Variants in ZBTB7C observed in about 807,000 individuals in gnomAD.
The protein encoded by ZBTB7C is zinc finger and BTB domain containing 7C.
ZBTB7C carries 8 observed loss-of-function variants against 25.7 expected under a neutral mutation model. The observed-to-expected ratio is 0.31, with a 90% CI of 0.18 to 0.56. The LOEUF is 0.56. ZBTB7C is among the 20% of genes least tolerant of loss of function. ZBTB7C has a pLI of 0.91. For missense variants in ZBTB7C, 824 were observed against 855.2 expected, an observed-to-expected ratio of 0.96 and a Z score of 0.46; for synonymous variants, 394 against 369.0, an observed-to-expected ratio of 1.07 and a Z score of -0.78.
intron 2 of ZBTB7C, among the ~76,000 whole-genome samples, chr18:48,301,051 A>T (rs760293730): frequency 1.1e-4 from 16 of 152,358 alleles, no homozygotes; most frequent in South Asian, 8.3e-4. Flanking sequence ...GAGGAATGCC[A>T]TTACTAGTCT....
chr18:48,181,546 G>T (rs534643672), intron 3 of ZBTB7C, among the ~76,000 whole-genome samples: 3 of 152,190 alleles, frequency 2.0e-5, no homozygotes, highest in Non-Finnish European at 2.9e-5. Flanking sequence ...GCCCAAAGCT[G>T]CATGACAATG....
At chr18:48,054,437 GAC>G (rs1361175840) in intron 3 of ZBTB7C, among the ~76,000 whole-genome samples, 4 of 152,090 alleles carry the variant, frequency 2.6e-5, no homozygotes, top group Admixed American at 1.3e-4. Context: ...GAGGAAAGAG[GAC>G]AGAGTCACAT....
chr18:48,231,201 A>T (rs1318557123), intron 2 of ZBTB7C, among the ~76,000 whole-genome samples: 1 of 152,150 alleles, frequency 6.6e-6, no homozygotes, highest in Non-Finnish European at 1.5e-5. Flanking sequence ...CCTTCAGGCC[A>T]GGGACAGCCT....
intron 3 of ZBTB7C, among the ~76,000 whole-genome samples, chr18:48,069,977 C>T (rs1568193273): frequency 6.6e-6 from 1 of 152,104 alleles, no homozygotes; most frequent in Non-Finnish European, 1.5e-5. Flanking sequence ...GGTAAGATTC[C>T]TGGAATCACT....
chr18:48,055,310 TGAGGCAGGAGAATCGCTGGAACCCAG>T (rs1357278356), intron 3 of ZBTB7C, among the ~76,000 whole-genome samples: 4 of 148,066 alleles, frequency 2.7e-5, no homozygotes, highest in Admixed American at 1.4e-4. Context: ...CTCGGAAGGC[TGAGGCAGGAGAATCGCTGGAACCCAG>T]GAGGCAGAGG....
At chr18:48,250,848 A>G (rs182174294) in intron 2 of ZBTB7C, among the ~76,000 whole-genome samples, 1,960 of 150,976 alleles carry the variant, frequency 0.013, 20 homozygotes, top group Non-Finnish European at 0.02. Context: ...AAATTTTTCT[A>G]TAGGAGACAA....
At chr18:48,313,960 C>T (rs1203838418) in intron 2 of ZBTB7C, among the ~76,000 whole-genome samples, 2 of 152,098 alleles carry the variant, frequency 1.3e-5, no homozygotes, top group East Asian at 1.9e-4. Flanking sequence ...AGTCTGGGAC[C>T]ACCCCCTTCT....
chr18:48,034,841 G>C (rs2035905703), intron 4 of ZBTB7C, among the ~76,000 whole-genome samples: 1 of 152,094 alleles, frequency 6.6e-6, no homozygotes. Context: ...CTCATCGTCG[G>C]GAAAGTCATG....
intron 1 of ZBTB7C, among the ~76,000 whole-genome samples, chr18:48,361,947 C>G (rs1037821338): frequency 6.6e-6 from 1 of 152,232 alleles, no homozygotes; most frequent in Non-Finnish European, 1.5e-5. Flanking sequence ...ACTGCCTCCC[C>G]TCGTGTAACT....
At chr18:48,341,573 G>A (rs1430413651) in intron 1 of ZBTB7C, among the ~76,000 whole-genome samples, 1 of 152,244 alleles carries the variant, frequency 6.6e-6, no homozygotes, top group Non-Finnish European at 1.5e-5. Flanking sequence ...GCCTGCCCTT[G>A]GTAGGTGCTC....
intron 2 of ZBTB7C, among the ~76,000 whole-genome samples, chr18:48,328,154 C>T (rs899600018): frequency 6.8e-6 from 1 of 147,146 alleles, no homozygotes; most frequent in South Asian, 2.2e-4. Flanking sequence ...TGCACTCCAG[C>T]CTGGGGGACA....
At chr18:48,096,240 G>C (rs1226623327) in intron 3 of ZBTB7C, among the ~76,000 whole-genome samples, 1 of 152,230 alleles carries the variant, frequency 6.6e-6, no homozygotes, top group African/African-American at 2.4e-5. Context: ...GGCTTTTTAA[G>C]AGAGTGTGAA....
intron 2 of ZBTB7C, among the ~76,000 whole-genome samples, chr18:48,291,342 C>T (rs1025955637): frequency 6.6e-6 from 1 of 152,116 alleles, no homozygotes; most frequent in Non-Finnish European, 1.5e-5. Context: ...GAATGACAGC[C>T]GAATCTTCCT....
intron 2 of ZBTB7C, among the ~76,000 whole-genome samples, chr18:48,197,747 A>G (rs894034518): frequency 4.6e-5 from 7 of 152,170 alleles, no homozygotes; most frequent in African/African-American, 1.7e-4. Context: ...CACTCATCCC[A>G]TGGGATCAGG....
intron 2 of ZBTB7C, among the ~76,000 whole-genome samples, chr18:48,306,822 C>T (rs983936125): frequency 1.3e-5 from 2 of 152,126 alleles, no homozygotes; most frequent in African/African-American, 4.8e-5. Context: ...TTCTTTAAAG[C>T]CTAGATTAAA....
chr18:48,215,869 A>G (rs2042811071), intron 2 of ZBTB7C, among the ~76,000 whole-genome samples: 1 of 152,234 alleles, frequency 6.6e-6, no homozygotes, highest in South Asian at 2.1e-4. Flanking sequence ...CTAAAGAAAT[A>G]TATTTTGGGG....
chr18:48,287,944 A>T (rs1427134724), intron 2 of ZBTB7C, among the ~76,000 whole-genome samples: 1 of 152,238 alleles, frequency 6.6e-6, no homozygotes, highest in South Asian at 2.1e-4. Context: ...TACTGCAGCT[A>T]CTATGAAACT....
At chr18:48,095,747 A>AAAATAAAATAAAAG (rs35953333) in intron 3 of ZBTB7C, among the ~76,000 whole-genome samples, 1,393 of 89,914 alleles carry the variant, frequency 0.015, 14 homozygotes, top group South Asian at 0.029. Flanking sequence ...TAAAATAAAA[A>AAAATAAAATAAAAG]TGGTTATTGG....
At chr18:48,063,439 C>T (rs2037201311) in intron 3 of ZBTB7C, among the ~76,000 whole-genome samples, 1 of 152,178 alleles carries the variant, frequency 6.6e-6, no homozygotes, top group African/African-American at 2.4e-5. Context: ...TGCCCTGGGG[C>T]TCCCAGAGGG....
Sources: allele counts gnomAD v4.1 joint callset (sites outside exome capture counted in the v4.1 genomes callset), GRCh38; gene constraint gnomAD v4.1.1; transcripts MANE v1.5; gene names NCBI Gene and HGNC (gene_info 2026-07-23, HGNC 2026-07-21).